The following PTGIS variants were observed in gnomAD, a reference collection of about 807,000 sequenced individuals.
PTGIS encodes prostaglandin I2 synthase.
Under a neutral mutation model 50.3 loss-of-function variants are expected in PTGIS, and 45 were observed. That is an observed-to-expected ratio of 0.90 (90% CI 0.70 to 1.15). The LOEUF is 1.15. Among genes scored for constraint, PTGIS ranks in the 50% most tolerant of loss-of-function variants. The pLI, the probability that PTGIS is intolerant of heterozygous loss-of-function variation, is 0.00. For synonymous variants in PTGIS, 260 were observed against 267.7 expected, an observed-to-expected ratio of 0.97 and a Z score of 0.28; for missense variants, 668 against 661.3, an observed-to-expected ratio of 1.01 and a Z score of -0.11.
chr20:49,521,403 C>T (rs141910947), intron 6 of PTGIS, among the ~76,000 whole-genome samples: 4 of 152,332 alleles, frequency 2.6e-5, no homozygotes, highest in African/African-American at 9.6e-5. Context: ...ATTCTGGACG[C>T]TGTCAACGAC....
chr20:49,515,838 TTG>T (rs1367154765), intron 6 of PTGIS, among the ~76,000 whole-genome samples: 1 of 152,038 alleles, frequency 6.6e-6, no homozygotes, highest in Non-Finnish European at 1.5e-5. Context: ...ATGCTGCCAT[TTG>T]TGTGTTTGTT....
At chr20:49,517,684 C>T (rs1229325971) in intron 6 of PTGIS, among the ~76,000 whole-genome samples, 1 of 152,200 alleles carries the variant, frequency 6.6e-6, no homozygotes, top group African/African-American at 2.4e-5. Flanking sequence ...GAGGCACTGA[C>T]TGCGGGCCAG....
At chr20:49,554,486 G>T (rs1982579452) in intron 1 of PTGIS, among the ~76,000 whole-genome samples, 1 of 152,084 alleles carries the variant, frequency 6.6e-6, no homozygotes, top group African/African-American at 2.4e-5. Context: ...GGTCTAAAAA[G>T]GACACTGAGT....
chr20:49,510,998 ACCCTGGCCCTG>A lies in PTGIS; in HGVS notation c.1358+19_1358+29del. The A allele has an allele frequency of 6.2e-7, 1 of 1,607,718 alleles. No homozygotes were observed. The highest frequency in any genetic ancestry group is 8.5e-7 in the Non-Finnish European group (1 of 1,175,602). On this transcript the variant is annotated intron_variant, in intron 9 of 9. Transcript: ENST00000244043. ...CCTGCCAACCAGGGGATCAGGAGCCACCCTGGCCCTGCCCTGGCCCCCCACTCACTGTTTGA... is the reference window on the plus strand; with the variant it reads ...CCTGCCAACCAGGGGATCAGGAGCCACCCTGGCCCCCCACTCACTGTTTGA...
At chr20:49,547,164 G>A (rs1029078554) in intron 3 of PTGIS, among the ~76,000 whole-genome samples, 30 of 152,198 alleles carry the variant, frequency 2.0e-4, no homozygotes, top group Admixed American at 1.4e-3. Flanking sequence ...CCCGGGAGGC[G>A]GAGGTTACAG....
chr20:49,510,627 C>T (rs1981288523), intron 9 of PTGIS, among the ~76,000 whole-genome samples: 2 of 152,138 alleles, frequency 1.3e-5, no homozygotes, highest in South Asian at 4.1e-4. Flanking sequence ...ATGAGGCTCT[C>T]GGCCCCACAG....
chr20:49,509,908 A>T (rs1172575697), intron 9 of PTGIS, among the ~76,000 whole-genome samples: 1 of 99,984 alleles, frequency 1.0e-5, no homozygotes. Flanking sequence ...TTTTTTCTGG[A>T]GACAGAGTCT....
intron 3 of PTGIS, 116 bp downstream of exon 3, chr20:49,547,725 A>G: frequency 1.6e-6 from 2 of 1,217,458 alleles, no homozygotes; most frequent in Non-Finnish European, 2.4e-6. Context: ...TTGTGTTCTC[A>G]AGACAAAATG....
chr20:49,508,120 G>T, intron 9 of PTGIS, 56 bp from the exon 10 acceptor site: 14 of 1,600,616 alleles, frequency 8.7e-6, no homozygotes, highest in Non-Finnish European at 1.2e-5. Flanking sequence ...GGGGGTTATC[G>T]GGAACAAGGC....
chr20:49,551,806 T>TTGTGTGTGTGTGTGTGTGTGTG (rs58517059), intron 1 of PTGIS, among the ~76,000 whole-genome samples: 7 of 142,680 alleles, frequency 4.9e-5, no homozygotes, highest in Admixed American at 1.4e-4. Flanking sequence ...GTGTATGTGT[T>TTGTGTGTGTGTGTGTGTGTGTG]TGTGTGTGTG....
At chr20:49,512,657 T>C (rs1021392366) in intron 8 of PTGIS, among the ~76,000 whole-genome samples, 8 of 152,172 alleles carry the variant, frequency 5.3e-5, no homozygotes, top group South Asian at 2.1e-4. Flanking sequence ...ACTGACATTA[T>C]AACAATCTGA....
chr20:49,544,231 T>G (rs926192002), intron 4 of PTGIS, 74 bp downstream of exon 4: 57 of 1,591,074 alleles, frequency 3.6e-5, no homozygotes, highest in Admixed American at 1.5e-4. Context: ...CACGGTTCCC[T>G]TGGCCACTGC....
chr20:49,516,458 A>G (rs2122844782), intron 6 of PTGIS, among the ~76,000 whole-genome samples: 1 of 151,878 alleles, frequency 6.6e-6, no homozygotes, highest in Admixed American at 6.6e-5. Flanking sequence ...TATTTTTTGT[A>G]AAGATGAGGT....
At chr20:49,512,343 G>A (rs148992383) in intron 8 of PTGIS, among the ~76,000 whole-genome samples, 2,170 of 151,986 alleles carry the variant, frequency 0.014, 25 homozygotes, top group Non-Finnish European at 0.022. Context: ...ATGGATAGAT[G>A]AGTGGATGGG....
chr20:49,555,323 T>C (rs567866409), intron 1 of PTGIS, among the ~76,000 whole-genome samples: 1 of 152,330 alleles, frequency 6.6e-6, no homozygotes, highest in Admixed American at 6.5e-5. Flanking sequence ...CTCTGAGTTA[T>C]ACCTTTGGCT....
Position 49,511,100 on chromosome 20 carries a change from T to A in PTGIS, c.1286A>T (p.Asn429Ile). 1 of 1,614,226 alleles carries A rather than the reference T, an allele frequency of 6.2e-7. No individual in the cohort carries two copies. Among genetic ancestry groups the A allele is most frequent in the Non-Finnish European group, 8.5e-7 (1 of 1,180,040 alleles). ...DFYKDGKRLK[N>I]YNMPWGAGHN... ...CCCCGCCCCCCAGGGCATGTTGTAA[T>A]TCTTCAGCCGTTTCCCATCCTTGTA... The change falls in exon 9 of 10, where the codon AAT becomes ATT. Residue 429 changes from asparagine (N) to isoleucine (I), a missense_variant. Coordinates refer to ENST00000244043, the MANE Select transcript of PTGIS (RefSeq NM_000961.4).
Position 49,513,058 on chromosome 20 carries a change from ACCAGGCGCC to A in PTGIS, c.1206+13_1206+21del, listed in dbSNP as rs758729909. ...ATTGTTCTCCCACAGACCCCATATG[ACCAGGCGCC>A]CCTGCCATTTACCTCTGGGTCTGTG... On this transcript the variant is annotated intron_variant, in intron 8 of 9. Coordinates refer to ENST00000244043, the MANE Select transcript of PTGIS (RefSeq NM_000961.4). The A allele has an allele frequency of 3.7e-6, 6 of 1,613,948 alleles. No individual in the cohort carries two copies. Among genetic ancestry groups the A allele is most frequent in the Non-Finnish European group, 5.1e-6 (6 of 1,179,904 alleles).
chr20:49,528,172 C>T (rs868599215), intron 5 of PTGIS, among the ~76,000 whole-genome samples: 1 of 152,090 alleles, frequency 6.6e-6, no homozygotes, highest in African/African-American at 2.4e-5. Context: ...TTTCAGTTAC[C>T]CATGGTCAAC....
intron 5 of PTGIS, among the ~76,000 whole-genome samples, chr20:49,535,410 T>A (rs1292332457): frequency 2.6e-5 from 4 of 152,182 alleles, no homozygotes; most frequent in African/African-American, 4.8e-5. Flanking sequence ...AATGAAATGG[T>A]ATAAAAGCAA....
Sources: allele counts gnomAD v4.1 joint callset (sites outside exome capture counted in the v4.1 genomes callset), GRCh38; gene constraint gnomAD v4.1.1; transcripts MANE v1.5; gene names NCBI Gene and HGNC (gene_info 2026-07-23, HGNC 2026-07-21).